The following TOM1 variants were observed in gnomAD, a reference collection of about 807,000 sequenced individuals.
TOM1 encodes the protein target of Myb protein 1.
TOM1 carries 38 observed loss-of-function variants against 61.3 expected under a neutral mutation model. The observed-to-expected ratio is 0.62, with a 90% CI of 0.48 to 0.81. TOM1 has a LOEUF of 0.81. Among genes scored for constraint, TOM1 ranks in the 40% least tolerant of loss-of-function variants. The pLI, the probability that TOM1 is intolerant of heterozygous loss-of-function variation, is 0.00. For missense variants in TOM1, 591 were observed against 659.6 expected (o/e 0.90, Z 1.14); for synonymous variants, 270 against 268.8 (o/e 1.00, Z -0.04).
At chr22:35,300,125 T>C in intron 1 of TOM1, 145 bp downstream of exon 1, 3 of 883,184 alleles carry the variant, frequency 3.4e-6, no homozygotes, top group Non-Finnish European at 5.1e-6. Context: ...CCGCCCAGCT[T>C]TCCTCCCACT....
chr22:35,300,489 C>G (rs967843434), intron 1 of TOM1, among the ~76,000 whole-genome samples: 1 of 152,224 alleles, frequency 6.6e-6, no homozygotes, highest in South Asian at 2.1e-4. Context: ...CAGCGCCGGA[C>G]AGCCCGCGGC....
intron 1 of TOM1, among the ~76,000 whole-genome samples, chr22:35,303,389 A>G (rs1257900378): frequency 6.6e-6 from 1 of 152,028 alleles, no homozygotes; most frequent in Non-Finnish European, 1.5e-5. Flanking sequence ...CATCTGCCTC[A>G]CAGGGTGGTT....
rs1927965555 is a variant in TOM1 at position 35,323,123 on chromosome 22, GC to G, written c.315del (p.Lys106ArgfsTer29). On this transcript the variant is annotated frameshift_variant, in exon 4 of 15. Coordinates refer to ENST00000449058, the MANE Select transcript of TOM1 (RefSeq NM_005488.3). LOFTEE classifies it high-confidence loss of function. The surrounding 1 kb of genome is among the most constrained non-coding windows in gnomAD (Gnocchi z 4.2). ...AGAGTGTGCTGGTGAGGACCATCCT[GC>G]CCAAGAACAACCCACCCACCATCGT... ...VESVLVRTIL[P>X]KNNPPTIVHD... is the part of the protein sequence containing the mutation. 1 of 1,614,020 alleles carries G rather than the reference GC, an allele frequency of 6.2e-7. No homozygotes were observed. The highest frequency in any genetic ancestry group is 8.5e-7 in the Non-Finnish European group (1 of 1,180,042).
Position 35,321,975 on chromosome 22 carries a change from C to T in TOM1, c.154C>T (p.Arg52Ter), listed in dbSNP as rs559402299. Residue 52 changes from arginine to a stop codon, truncating the protein, a stop_gained, in exon 3 of 15, where the codon CGA (arginine) becomes TGA (stop). Transcript: ENST00000449058. LOFTEE classifies it high-confidence loss of function. ...ETEEGPKDAL[R>*]AVKKRIVGNK... ...CCTCCTTAGTCCCAAAGATGCCCTC[C>T]GAGCAGTAAAGAAGAGAATCGTGGG... is the stretch of plus-strand genomic sequence containing the variant. 1.7e-5 allele frequency: 28 copies of T among 1,614,014 alleles called. No individual in the cohort carries two copies. The highest frequency in any genetic ancestry group is 4.0e-5 in the African/African-American group (3 of 74,914).
At chr22:35,341,011 C>T (rs1457867853) in intron 12 of TOM1, among the ~76,000 whole-genome samples, 1 of 152,178 alleles carries the variant, frequency 6.6e-6, no homozygotes, top group Non-Finnish European at 1.5e-5. Context: ...TGACCTGCCA[C>T]CAAGCACAGC....
intron 12 of TOM1, among the ~76,000 whole-genome samples, chr22:35,340,518 G>A (rs1929784851): frequency 6.6e-6 from 1 of 151,920 alleles, no homozygotes; most frequent in Non-Finnish European, 1.5e-5. Flanking sequence ...AGGCCGAGGT[G>A]GGCAGATCAC....
rs1569017604 is a variant in TOM1, at chr22:35,306,362, A to T, written c.52+6382A>T. 3.3e-5 allele frequency among the ~76,000 whole-genome samples: 5 copies of T among 152,288 alleles called. No individual in the cohort carries two copies. The Middle Eastern group carries it at 0.01, about 311-fold the overall frequency. ...GGGTGCTTATCCCCACAGTGTGCCCATGTGAGCCCTAATATCTTGAAGCTT... is the reference window on the plus strand; with the variant it reads ...GGGTGCTTATCCCCACAGTGTGCCCTTGTGAGCCCTAATATCTTGAAGCTT... On this transcript the variant is annotated intron_variant, in intron 1 of 14. Transcript: ENST00000449058.
chr22:35,323,979 C>G lies in TOM1; in HGVS notation c.648+65C>G. On this transcript the variant is annotated intron_variant, in intron 6 of 14. Coordinates refer to ENST00000449058, the MANE Select transcript of TOM1 (RefSeq NM_005488.3). This position sits in a 1 kb window ranked among gnomAD's most constrained non-coding sequence, Gnocchi z 4.2. ...GTGGGCCACACACGTCAGGGAGGGC[C>G]CCCTGTCAGAATTTACCATCCACGG... is the stretch of plus-strand genomic sequence containing the variant. 6.7e-7 allele frequency: 1 copy of G among 1,495,866 alleles called. No individual in the cohort carries two copies. Among genetic ancestry groups the G allele is most frequent in the Middle Eastern group, 1.8e-4 (1 of 5,530 alleles). The allele number at this position is 1,495,866 out of a possible 1,614,324, so 92.7% of individuals were successfully genotyped here.
At chr22:35,314,891 G>A (rs1280285718) in intron 1 of TOM1, among the ~76,000 whole-genome samples, 1 of 146,954 alleles carries the variant, frequency 6.8e-6, no homozygotes, top group African/African-American at 2.5e-5. Flanking sequence ...CATGAGATGA[G>A]GGCAATAATG....
At chr22:35,305,145 G>C (rs1271499503) in intron 1 of TOM1, among the ~76,000 whole-genome samples, 1 of 152,226 alleles carries the variant, frequency 6.6e-6, no homozygotes, top group South Asian at 2.1e-4. Flanking sequence ...GCTGGAAAGT[G>C]GACACTTAAG....
chr22:35,328,712 T>C (rs1435204885), intron 7 of TOM1, among the ~76,000 whole-genome samples: 5 of 152,148 alleles, frequency 3.3e-5, no homozygotes, highest in African/African-American at 7.2e-5. Flanking sequence ...AGGCCTGACC[T>C]TGGAGGGGGC....
chr22:35,342,007 G>A (rs1929915639), intron 12 of TOM1, among the ~76,000 whole-genome samples: 1 of 152,092 alleles, frequency 6.6e-6, no homozygotes, highest in South Asian at 2.1e-4. Context: ...CAGGCGCGGT[G>A]GCAGGTACCT....
rs181885288 is a variant in TOM1, at chr22:35,317,353, C to G, written c.53-524C>G. Among the ~76,000 whole-genome samples the G allele has an allele frequency of 3.3e-3, 508 of 152,232 alleles. 2 individuals are homozygous for G. Among genetic ancestry groups the G allele is most frequent in the African/African-American group, 0.011 (440 of 41,534 alleles). On this transcript the variant is annotated intron_variant, in intron 1 of 14. Transcript: ENST00000449058. ...TACAGGCATGTGCCACCATGCCCAGCTACTTTTTTGTAGTTAGTAAAGACG... is the reference window on the plus strand; with the variant it reads ...TACAGGCATGTGCCACCATGCCCAGGTACTTTTTTGTAGTTAGTAAAGACG...
At chr22:35,326,699 C>A (rs1055938407) in intron 6 of TOM1, among the ~76,000 whole-genome samples, 1 of 151,918 alleles carries the variant, frequency 6.6e-6, no homozygotes, top group Non-Finnish European at 1.5e-5. Context: ...AGGACGGAAT[C>A]CCAGTCCTCT....
intron 6 of TOM1, 127 bp downstream of exon 6, chr22:35,324,041 T>G: frequency 2.5e-6 from 3 of 1,185,952 alleles, no homozygotes; most frequent in Non-Finnish European, 2.3e-6. Flanking sequence ...CCACAGGGTA[T>G]GTGTGGTTCT....
intron 6 of TOM1, among the ~76,000 whole-genome samples, chr22:35,325,978 C>T (rs1928271162): frequency 6.6e-6 from 1 of 152,082 alleles, no homozygotes. Flanking sequence ...ATTAAGTAAG[C>T]CAAATAGATC....
At position 35,334,261 on chromosome 22, in the gene TOM1, T is replaced by C. The variant is rs116624461; in HGVS notation, c.1028-67T>C. 1,371 of 1,557,216 alleles carry C rather than the reference T, an allele frequency of 8.8e-4. 17 individuals are homozygous for C. In the African/African-American group the frequency reaches 0.017, roughly 20 times the overall value. On this transcript the variant is annotated intron_variant, in intron 10 of 14. Coordinates refer to ENST00000449058, the MANE Select transcript of TOM1 (RefSeq NM_005488.3). ...ACCAAGCCCTGGGTCTGGCAGCAGG[T>C]AGCTCAGCAGCAGCTCACACACAAG...
intron 9 of TOM1, 188 bp downstream of exon 9, chr22:35,333,202 G>GC (rs1381508227): frequency 2.5e-6 from 2 of 793,454 alleles, no homozygotes; most frequent in African/African-American, 3.4e-5. Flanking sequence ...ACCACCTGAT[G>GC]CCCCAGGGTC....
chr22:35,323,322 T>G lies in TOM1; in HGVS notation c.366+145T>G. 1.4e-6 allele frequency: 2 copies of G among 1,393,248 alleles called. No homozygotes were observed. Among genetic ancestry groups the G allele is most frequent in the Non-Finnish European group, 2.0e-6 (2 of 1,019,016 alleles). The allele number at this position is 1,393,248 out of a possible 1,614,324, so 86.3% of individuals were successfully genotyped here. A position where few individuals can be genotyped will look rare whatever the true frequency, so the allele number is the denominator to read the frequency against. Reference sequence around the variant, plus strand: ...TCTCGGTTGTCGGCTGGTGGGATGTTCTGTGGGGAGGGAGGCTTGCCAACT... The same window carrying G: ...TCTCGGTTGTCGGCTGGTGGGATGTGCTGTGGGGAGGGAGGCTTGCCAACT... On this transcript the variant is annotated intron_variant, in intron 4 of 14. Coordinates refer to ENST00000449058, the MANE Select transcript of TOM1 (RefSeq NM_005488.3). The surrounding 1 kb of genome is among the most constrained non-coding windows in gnomAD (Gnocchi z 4.2).
Sources: gnomAD v4.1 joint callset for allele counts (sites outside exome capture counted in the v4.1 genomes callset) on GRCh38, gnomAD v4.1.1 for gene constraint, Gnocchi (gnomAD v3.1) non-coding constraint, MANE v1.5 for transcripts, NCBI Gene and HGNC (gene_info 2026-07-23, HGNC 2026-07-21) for gene names.